AFP: variants seen among roughly 807,000 people sequenced by gnomAD.
AFP encodes the protein alpha-fetoprotein.
AFP carries 64 observed loss-of-function variants against 78.9 expected under a neutral mutation model. That is an observed-to-expected ratio of 0.81 (90% confidence interval 0.66 to 1.00). The LOEUF (loss-of-function observed/expected upper bound fraction) is 1.00, where lower values mean the gene tolerates loss of function less well. Among genes scored for constraint, AFP ranks in the 50% least tolerant of loss-of-function variants. The pLI, the probability that AFP is intolerant of heterozygous loss-of-function variation, is 0.00. For missense variants in AFP, 689 were observed against 703.8 expected (o/e 0.98, Z 0.24); for synonymous variants, 254 against 243.8 (o/e 1.04, Z -0.39).
intron 5 of AFP, among the ~76,000 whole-genome samples, 158 bp downstream of exon 5, chr4:73,442,586 G>A (rs1477468999): frequency 6.6e-6 from 1 of 152,112 alleles, no homozygotes; most frequent in Non-Finnish European, 1.5e-5. Flanking sequence ...GAACAAAACT[G>A]GATTTGCTGG....
Position 73,450,135 on chromosome 4 carries a change from T to C in AFP, c.1289+2T>C. On this transcript the variant is annotated splice_donor_variant, in intron 10 of 14. Coordinates refer to ENST00000395792, the MANE Select transcript of AFP (RefSeq NM_001134.3). LOFTEE classifies it high-confidence loss of function. Reference sequence around the variant, plus strand: ...AGGAGAATATTACTTACAAAATGCGTATGTTTTTGTAAACAGTATTTTTAG... The same window carrying C: ...AGGAGAATATTACTTACAAAATGCGCATGTTTTTGTAAACAGTATTTTTAG... The C allele has an allele frequency of 1.3e-6, 2 of 1,597,964 alleles. No homozygotes were observed. The highest frequency in any genetic ancestry group is 1.7e-6 in the Non-Finnish European group (2 of 1,166,088).
intron 4 of AFP, among the ~76,000 whole-genome samples, chr4:73,441,567 CA>C (rs35201987): frequency 1.5e-4 from 14 of 96,024 alleles, no homozygotes; most frequent in African/African-American, 5.1e-4. Flanking sequence ...GACTCCGTCT[CA>C]AAAAAAAAAA....
intron 11 of AFP, among the ~76,000 whole-genome samples, chr4:73,451,503 G>T (rs899597617): frequency 5.3e-5 from 8 of 152,136 alleles, no homozygotes; most frequent in Non-Finnish European, 1.0e-4. Context: ...AGAGTAAAAG[G>T]AGAGTTCTTG....
Position 73,436,272 on chromosome 4 carries a change from G to T in AFP, c.10G>T (p.Val4Leu). ...AAAATAACTAGCAACCATGAAGTGG[G>T]TGGAATCAATTTTTTTAATTTTCCT... MKWVESIFLIFLLN... is the reference protein window; with the variant it reads MKWLESIFLIFLLN... The change falls in exon 1 of 15, where the codon GTG becomes TTG. Residue 4 changes from valine to leucine, a missense_variant. Coordinates refer to ENST00000395792, the MANE Select transcript of AFP (RefSeq NM_001134.3). 3 of 1,600,084 alleles carry T rather than the reference G, an allele frequency of 1.9e-6. No individual in the cohort carries two copies. The highest frequency in any genetic ancestry group is 2.6e-6 in the Non-Finnish European group (3 of 1,168,672).
chr4:73,450,178 A>G (rs1351844592), intron 10 of AFP, 45 bp downstream of exon 10: 2 of 1,419,854 alleles, frequency 1.4e-6, no homozygotes, highest in Non-Finnish European at 2.0e-6. Flanking sequence ...AAATTATTAA[A>G]GAGAATGTAG....
intron 3 of AFP, among the ~76,000 whole-genome samples, chr4:73,439,666 G>A (rs1186264941): frequency 3.3e-5 from 5 of 152,128 alleles, no homozygotes; most frequent in African/African-American, 7.2e-5. Context: ...TGAAACACAT[G>A]TATTCCTCAG....
Position 73,444,848 on chromosome 4 carries a change from A to G in AFP, c.714-145A>G, listed in dbSNP as rs1719770752. The G allele has an allele frequency of 3.1e-5, 23 of 734,616 alleles. No individual in the cohort carries two copies. The South Asian group carries it at 4.4e-4, about 14-fold the overall frequency. The allele number at this position is 734,616 out of a possible 1,614,324, so 45.5% of individuals were successfully genotyped here. ...AAAGATATGGCTGGAATCAAGCCTT[A>G]AAACATGTTTCCTTTTCTTTTTAAA... On this transcript the variant is annotated intron_variant, in intron 6 of 14. Coordinates refer to ENST00000395792, the MANE Select transcript of AFP (RefSeq NM_001134.3).
chr4:73,449,675 G>A (rs1236896482), intron 9 of AFP, among the ~76,000 whole-genome samples: 5 of 152,160 alleles, frequency 3.3e-5, no homozygotes, highest in Non-Finnish European at 7.4e-5. Flanking sequence ...CAGCCTTTTG[G>A]CTAAGATCAA....
Position 73,452,531 on chromosome 4 carries a change from C to T in AFP, c.1559C>T (p.Thr520Ile). Residue 520 changes from threonine (T) to isoleucine (I), a missense_variant, in exon 12 of 15, where the codon ACA (threonine) becomes ATA (isoleucine). Thr to Ile is a moderately conservative substitution (Grantham distance 89, BLOSUM62 -1). Coordinates refer to ENST00000395792, the MANE Select transcript of AFP (RefSeq NM_001134.3). Reference sequence around the variant, plus strand: ...TTCAGCAGCTTGGTGGTGGATGAAACATATGTCCCTCCTGCATTCTCTGAT... The same window carrying T: ...TTCAGCAGCTTGGTGGTGGATGAAATATATGTCCCTCCTGCATTCTCTGAT... ...PCFSSLVVDETYVPPAFSDDK... is the reference protein window; with the variant it reads ...PCFSSLVVDEIYVPPAFSDDK... 1 of 1,614,092 alleles carries T rather than the reference C, an allele frequency of 6.2e-7. No homozygotes were observed. The highest frequency in any genetic ancestry group is 8.5e-7 in the Non-Finnish European group (1 of 1,179,984).
chr4:73,452,405 A>G lies in AFP; in HGVS notation c.1433A>G (p.Asp478Gly), dbSNP rs575434800. ...KLLACGEGAA[D>G]IIIGHLCIRH... ...TTTTCTCATTCTCCTAACCAGGCTG[A>G]CATTATTATCGGACACTTATGTATC... The change falls in exon 12 of 15, where the codon GAC becomes GGC. Residue 478 changes from aspartate (D) to glycine (G), a missense_variant. Asp to Gly is a moderately conservative substitution (Grantham distance 94, BLOSUM62 -1). Transcript: ENST00000395792. The G allele has an allele frequency of 2.0e-5, 33 of 1,613,874 alleles. No homozygotes were observed. In the African/African-American group the frequency reaches 2.4e-4, roughly 12 times the overall value.
chr4:73,442,686 AAGAG>A (rs1021415689), intron 5 of AFP, among the ~76,000 whole-genome samples: 7 of 152,274 alleles, frequency 4.6e-5, no homozygotes, highest in East Asian at 1.9e-4. Flanking sequence ...GACAGACAGA[AAGAG>A]AGAAAGAGAG....
At chr4:73,447,068 A>G (rs1420295769) in intron 7 of AFP, among the ~76,000 whole-genome samples, 6 of 152,142 alleles carry the variant, frequency 3.9e-5, no homozygotes, top group Non-Finnish European at 8.8e-5. Context: ...ACACTATTAG[A>G]GGAGGGATTT....
chr4:73,447,689 G>A lies in AFP; in HGVS notation c.1058+13G>A. Reference sequence around the variant, plus strand: ...TCTTCTTGGCAAGGTAACACACTCTGTAAATGCATGTTCATGCAAGTAAAA... The same window carrying A: ...TCTTCTTGGCAAGGTAACACACTCTATAAATGCATGTTCATGCAAGTAAAA... On this transcript the variant is annotated intron_variant, in intron 8 of 14. Transcript: ENST00000395792. 6.3e-7 allele frequency: 1 copy of A among 1,579,864 alleles called. No individual in the cohort carries two copies. Among genetic ancestry groups the A allele is most frequent in the South Asian group, 1.1e-5 (1 of 89,924 alleles).
rs896601034 is a variant in AFP at position 73,455,893 on chromosome 4, A to G, written c.*273A>G. On this transcript the variant is annotated 3_prime_UTR_variant, in exon 15 of 15. Transcript: ENST00000395792. ...CATTAAGTGTTGGTTATTATAGGAG[A>G]TTAAAGCTATCCAAGGATGGATTTA... is the stretch of plus-strand genomic sequence containing the variant. 5 of 486,880 alleles carry G rather than the reference A, an allele frequency of 1.0e-5. No individual in the cohort carries two copies. Among genetic ancestry groups the G allele is most frequent in the African/African-American group, 1.0e-4 (5 of 49,704 alleles). 30.2% of individuals were successfully genotyped at this position (486,880 alleles called of 1,614,324 possible).
intron 7 of AFP, among the ~76,000 whole-genome samples, chr4:73,446,832 A>G (rs916777884): frequency 2.6e-5 from 4 of 152,252 alleles, no homozygotes; most frequent in Non-Finnish European, 5.9e-5. Flanking sequence ...AAGGTTTTCA[A>G]TTAAAATAAC....
intron 4 of AFP, 66 bp from the exon 5 acceptor site, chr4:73,442,230 G>T: frequency 6.8e-7 from 1 of 1,471,802 alleles, no homozygotes; most frequent in Non-Finnish European, 9.4e-7. Flanking sequence ...CCAGTGTCCA[G>T]TTCCAAGCAG....
chr4:73,447,062 T>C (rs1719850492), intron 7 of AFP, among the ~76,000 whole-genome samples: 1 of 152,182 alleles, frequency 6.6e-6, no homozygotes, highest in African/African-American at 2.4e-5. Flanking sequence ...CTACGGACAC[T>C]ATTAGAGGAG....
At chr4:73,449,602 T>C in intron 9 of AFP, 135 bp downstream of exon 9, 1 of 1,054,966 alleles carries the variant, frequency 9.5e-7, no homozygotes. Flanking sequence ...GATATTAAGC[T>C]GTTATTAACT....
intron 13 of AFP, among the ~76,000 whole-genome samples, 174 bp from the exon 14 acceptor site, chr4:73,455,062 G>T (rs897831947): frequency 6.6e-6 from 1 of 152,100 alleles, no homozygotes; most frequent in African/African-American, 2.4e-5. Context: ...AAAGAATATT[G>T]TTTTCTCCCT....
Sources: allele counts gnomAD v4.1 joint callset (sites outside exome capture counted in the v4.1 genomes callset), GRCh38; gene constraint gnomAD v4.1.1; transcripts MANE v1.5; gene names NCBI Gene and HGNC (gene_info 2026-07-23, HGNC 2026-07-21).